Variants in PCDHA4 observed in about 807,000 individuals in gnomAD.
PCDHA4 encodes protocadherin alpha-4.
In PCDHA4, 49 loss-of-function variants were observed where a neutral mutation model predicts 61.4. That is an observed-to-expected ratio of 0.80 (90% CI 0.63 to 1.01). The LOEUF (loss-of-function observed/expected upper bound fraction) is 1.01, where lower values mean the gene tolerates loss of function less well. Ranked by LOEUF, PCDHA4 falls within the 50% of genes least tolerant of loss-of-function variation. The pLI is 0.00. For missense variants in PCDHA4, 1,254 were observed against 1,235.8 expected (o/e 1.01, Z -0.22); for synonymous variants, 590 against 550.3 (o/e 1.07, Z -1.01).
chr5:140,922,326 G>A (rs2080778185), intron 1 of PCDHA4, among the ~76,000 whole-genome samples: 1 of 152,212 alleles, frequency 6.6e-6, no homozygotes, highest in Admixed American at 6.5e-5. Context: ...ATCTTGGAAA[G>A]GGTTGGTATA....
At chr5:140,995,267 C>T (rs552857413) in intron 3 of PCDHA4, among the ~76,000 whole-genome samples, 1 of 152,192 alleles carries the variant, frequency 6.6e-6, no homozygotes, top group Non-Finnish European at 1.5e-5. Context: ...GAATACAAGC[C>T]CTTTGATACC....
chr5:140,948,528 T>C (rs1234543318), intron 1 of PCDHA4, among the ~76,000 whole-genome samples: 1 of 151,686 alleles, frequency 6.6e-6, no homozygotes, highest in Non-Finnish European at 1.5e-5. Context: ...ACTATTTATA[T>C]TTTATTTCAT....
At chr5:140,976,888 A>C (rs1050816491) in intron 1 of PCDHA4, among the ~76,000 whole-genome samples, 1 of 152,218 alleles carries the variant, frequency 6.6e-6, no homozygotes, top group Non-Finnish European at 1.5e-5. Context: ...ATTAGGATAC[A>C]TGCAACAGTA....
chr5:140,870,194 C>G, intron 1 of PCDHA4: 1 of 1,614,168 alleles, frequency 6.2e-7, no homozygotes, highest in Non-Finnish European at 8.5e-7. Context: ...GACGCTCAGC[C>G]CAGCACGGTC....
At chr5:140,870,401 C>A in intron 1 of PCDHA4, 1 of 1,614,252 alleles carries the variant, frequency 6.2e-7, no homozygotes, top group Non-Finnish European at 8.5e-7. Context: ...GGTTCGCCTT[C>A]TCTGTGGGCC....
chr5:140,960,727 CA>C (rs2095565377), intron 1 of PCDHA4, among the ~76,000 whole-genome samples: 3 of 30,176 alleles, frequency 9.9e-5, no homozygotes, highest in Non-Finnish European at 1.9e-4. Context: ...TATTTTAGTC[CA>C]TGATTTTAGT....
chr5:140,976,054 G>A (rs1554237225), intron 1 of PCDHA4, among the ~76,000 whole-genome samples: 1 of 152,134 alleles, frequency 6.6e-6, no homozygotes, highest in African/African-American at 2.4e-5. Context: ...AATTGTGATA[G>A]TAATATATGT....
At chr5:140,848,403 G>A (rs1052101954) in intron 1 of PCDHA4, 4 of 1,316,724 alleles carry the variant, frequency 3.0e-6, no homozygotes. Context: ...GCTGAACGAT[G>A]GCGAACACAG....
intron 1 of PCDHA4, chr5:140,828,078 C>T (rs1554130999): frequency 5.7e-6 from 9 of 1,577,554 alleles, no homozygotes; most frequent in South Asian, 4.7e-5. Flanking sequence ...GAAATAAAAC[C>T]AGAGGTATTT....
At chr5:141,000,377 C>G (rs1213637729) in intron 3 of PCDHA4, among the ~76,000 whole-genome samples, 1 of 58,954 alleles carries the variant, frequency 1.7e-5, no homozygotes, top group South Asian at 5.5e-4. Flanking sequence ...CTCTCTCTCT[C>G]TCTCTCTCTC....
chr5:140,857,126 G>A, intron 1 of PCDHA4: 2 of 1,598,256 alleles, frequency 1.3e-6, no homozygotes, highest in Non-Finnish European at 1.7e-6. Flanking sequence ...CCCAGTGAAA[G>A]AAGATGCTCA....
chr5:140,830,787 T>C (rs1771244520), intron 1 of PCDHA4: 1 of 162,314 alleles, frequency 6.2e-6, no homozygotes, highest in Non-Finnish European at 1.3e-5. Flanking sequence ...TTTTTTCTGA[T>C]TAATTATATG....
chr5:140,836,830 G>T, intron 1 of PCDHA4: 1 of 945,180 alleles, frequency 1.1e-6, no homozygotes, highest in South Asian at 1.8e-5. Context: ...TTTTTTAGTT[G>T]ATAGCTTTAT....
At chr5:140,990,893 T>C (rs1554251806) in intron 3 of PCDHA4, among the ~76,000 whole-genome samples, 1 of 152,178 alleles carries the variant, frequency 6.6e-6, no homozygotes, top group East Asian at 1.9e-4. Context: ...GAGTGGGTCG[T>C]TGCTGGGTCA....
intron 1 of PCDHA4, chr5:140,878,069 T>C: frequency 5.3e-6 from 2 of 379,294 alleles, no homozygotes; most frequent in East Asian, 5.0e-5. Flanking sequence ...ATATTTTTCT[T>C]TTTCTATAAT....
rs568088223 is a variant in PCDHA4, at chr5:140,879,577, G to T, written c.2385+70005G>T. ...ATCCATGAAAGAATAAAATTGCCAA[G>T]ACAGACATTGAAAAGTGAAAAACAA... is the stretch of plus-strand genomic sequence containing the variant. On this transcript the variant is annotated intron_variant, in intron 1 of 3. Transcript: ENST00000530339. Among the ~76,000 whole-genome samples, 5 of 152,302 alleles carry T rather than the reference G, an allele frequency of 3.3e-5. No homozygotes were observed. In the South Asian group the frequency reaches 1.0e-3, roughly 32 times the overall value.
intron 1 of PCDHA4, among the ~76,000 whole-genome samples, chr5:140,943,803 G>A (rs1429767850): frequency 6.6e-6 from 1 of 152,214 alleles, no homozygotes; most frequent in Non-Finnish European, 1.5e-5. Flanking sequence ...AAGCAAAAGA[G>A]GAAAGTTTGA....
chr5:141,006,351 A>G (rs537027677), intron 3 of PCDHA4, among the ~76,000 whole-genome samples: 1 of 151,966 alleles, frequency 6.6e-6, no homozygotes, highest in Non-Finnish European at 1.5e-5. Flanking sequence ...AGCTGGGACT[A>G]TAGGCGCCCA....
At position 140,850,957 on chromosome 5, in the gene PCDHA4, CA is replaced by C; in HGVS notation, c.2385+41386del. On this transcript the variant is annotated intron_variant, in intron 1 of 3. Transcript: ENST00000530339. ...CTTGAAAGATATTATCGATTACTCCCAGGGGCCGTTCAAATAGTTTTATTCA... is the reference window on the plus strand; with the variant it reads ...CTTGAAAGATATTATCGATTACTCCCGGGGCCGTTCAAATAGTTTTATTCA... The C allele has an allele frequency of 1.1e-5, 17 of 1,481,512 alleles. 4 individuals are homozygous for C. The highest frequency in any genetic ancestry group is 1.5e-5 in the Non-Finnish European group (17 of 1,106,408). The allele number at this position is 1,481,512 out of a possible 1,614,324, so 91.8% of individuals were successfully genotyped here. A position where few individuals can be genotyped will look rare whatever the true frequency, so the allele number is the denominator to read the frequency against.
Sources: allele counts gnomAD v4.1 joint callset (sites outside exome capture counted in the v4.1 genomes callset), GRCh38; gene constraint gnomAD v4.1.1; transcripts MANE v1.5; gene names NCBI Gene and HGNC (gene_info 2026-07-23, HGNC 2026-07-21).